The following ACYP2 variants were observed in gnomAD, a reference collection of about 807,000 sequenced individuals.
ACYP2 encodes the protein acylphosphatase-2.
A neutral mutation model predicts 11.2 loss-of-function variants in ACYP2; 12 were observed. The observed-to-expected ratio is 1.08, with a 90% confidence interval of 0.69 to 1.74. The LOEUF is 1.74. Ranked by LOEUF, ACYP2 falls within the 40% of genes most tolerant of loss-of-function variation. The pLI is 0.00. For synonymous variants in ACYP2, 43 were observed against 32.2 expected (o/e 1.33, Z -1.13); for missense variants, 134 against 101.9 (o/e 1.31, Z -1.35).
chr2:54,296,693 A>G (rs1298530684), intron 6 of ACYP2, among the ~76,000 whole-genome samples: 2 of 151,908 alleles, frequency 1.3e-5, no homozygotes, highest in African/African-American at 4.8e-5. Context: ...TGTAAAGGAT[A>G]AAATAGACTA....
intron 6 of ACYP2, among the ~76,000 whole-genome samples, chr2:54,181,371 A>G (rs1683716902): frequency 6.6e-6 from 1 of 152,186 alleles, no homozygotes; most frequent in Non-Finnish European, 1.5e-5. Flanking sequence ...GTGAGAGAAA[A>G]CTAGAACTGA....
intron 6 of ACYP2, chr2:54,256,183 G>C (rs1243012340): frequency 2.5e-6 from 4 of 1,581,120 alleles, no homozygotes; most frequent in South Asian, 2.3e-5. Flanking sequence ...AGTGGGTAGA[G>C]GCCAGGCCAG....
At chr2:54,073,304 A>C (rs1196611572) in intron 4 of ACYP2, among the ~76,000 whole-genome samples, 2 of 151,902 alleles carry the variant, frequency 1.3e-5, no homozygotes, top group Non-Finnish European at 2.9e-5. Flanking sequence ...AGGTGGGAAG[A>C]TCTCTTGAGC....
intron 6 of ACYP2, among the ~76,000 whole-genome samples, chr2:54,193,989 G>C (rs1460726540): frequency 1.3e-5 from 2 of 152,116 alleles, no homozygotes; most frequent in African/African-American, 4.8e-5. Context: ...TTTCCAAATA[G>C]GCATGATATA....
chr2:54,276,619 T>TCACACACACATTCA (rs1688586894), intron 6 of ACYP2, among the ~76,000 whole-genome samples: 1 of 146,108 alleles, frequency 6.8e-6, no homozygotes, highest in Non-Finnish European at 1.5e-5. Context: ...GATTGTTCTT[T>TCACACACACATTCA]CACACACACA....
intron 6 of ACYP2, among the ~76,000 whole-genome samples, chr2:54,166,286 TTATAAAGTA>T (rs1488184467): frequency 1.3e-5 from 2 of 152,188 alleles, no homozygotes; most frequent in African/African-American, 2.4e-5. Context: ...TCCACAAATA[TTATAAAGTA>T]TCTGCTATAT....
chr2:54,003,669 G>A (rs1672916299), intron 2 of ACYP2, among the ~76,000 whole-genome samples: 1 of 152,054 alleles, frequency 6.6e-6, no homozygotes, highest in Non-Finnish European at 1.5e-5. Context: ...CCCCAGTTTT[G>A]GCAATTATGA....
intron 6 of ACYP2, among the ~76,000 whole-genome samples, chr2:54,235,798 G>A (rs574687567): frequency 6.6e-6 from 1 of 152,248 alleles, no homozygotes; most frequent in Admixed American, 6.5e-5. Flanking sequence ...CACGTAATAT[G>A]CATGCAGCAT....
At chr2:54,181,088 C>G (rs1370828905) in intron 6 of ACYP2, among the ~76,000 whole-genome samples, 2 of 152,128 alleles carry the variant, frequency 1.3e-5, no homozygotes, top group Non-Finnish European at 2.9e-5. Context: ...TCATTGTATT[C>G]AAAACATATT....
intron 6 of ACYP2, among the ~76,000 whole-genome samples, chr2:54,226,827 G>C (rs1373347256): frequency 1.3e-5 from 2 of 152,184 alleles, no homozygotes; most frequent in African/African-American, 2.4e-5. Context: ...ATTAGAGTTT[G>C]AGAAATGATT....
At chr2:54,031,030 C>T (rs545371474) in intron 2 of ACYP2, among the ~76,000 whole-genome samples, 3 of 152,122 alleles carry the variant, frequency 2.0e-5, no homozygotes, top group Admixed American at 6.5e-5. Flanking sequence ...CAGTAAGGGG[C>T]GCAGACACAA....
chr2:54,129,426 C>T (rs975407882), intron 4 of ACYP2, among the ~76,000 whole-genome samples: 1 of 152,056 alleles, frequency 6.6e-6, no homozygotes. Flanking sequence ...AGTCACCACA[C>T]CTGGCTGACT....
intron 4 of ACYP2, among the ~76,000 whole-genome samples, chr2:54,099,241 C>T (rs1424504067): frequency 1.3e-5 from 2 of 152,150 alleles, no homozygotes; most frequent in East Asian, 3.8e-4. Context: ...CCAAATCAAG[C>T]TAATTAACGT....
intron 4 of ACYP2, chr2:54,115,287 T>G (rs1290543294): frequency 2.2e-6 from 1 of 450,564 alleles, no homozygotes; most frequent in Admixed American, 4.1e-5. Context: ...ACACCACAAA[T>G]ATACCCAACT....
At chr2:54,068,606 G>T (rs1288560753) in intron 4 of ACYP2, among the ~76,000 whole-genome samples, 4 of 152,278 alleles carry the variant, frequency 2.6e-5, no homozygotes, top group Non-Finnish European at 5.9e-5. Flanking sequence ...CCTCCAGCCT[G>T]TTCGAATTTC....
intron 6 of ACYP2, chr2:54,256,273 G>C (rs578010953): frequency 9.1e-7 from 1 of 1,093,018 alleles, no homozygotes; most frequent in Non-Finnish European, 1.3e-6. Context: ...CTTCAGTCTC[G>C]CGACACCCAC....
intron 6 of ACYP2, among the ~76,000 whole-genome samples, chr2:54,213,000 T>C (rs907423020): frequency 2.0e-5 from 3 of 152,054 alleles, no homozygotes; most frequent in Non-Finnish European, 4.4e-5. Context: ...CATGGGTAAA[T>C]TGCATGTCAC....
At chr2:54,214,130 C>G (rs1685454147) in intron 6 of ACYP2, among the ~76,000 whole-genome samples, 1 of 152,024 alleles carries the variant, frequency 6.6e-6, no homozygotes, top group Non-Finnish European at 1.5e-5. Flanking sequence ...CTTATAGATT[C>G]TGGATATTCG....
At chr2:54,032,964 A>C (rs1225431737) in intron 2 of ACYP2, among the ~76,000 whole-genome samples, 1 of 152,218 alleles carries the variant, frequency 6.6e-6, no homozygotes, top group Non-Finnish European at 1.5e-5. Flanking sequence ...GGAAAGAAAG[A>C]GTTCCAGGCA....
Sources: gnomAD v4.1 joint callset for allele counts (sites outside exome capture counted in the v4.1 genomes callset) on GRCh38, gnomAD v4.1.1 for gene constraint, MANE v1.5 for transcripts, NCBI Gene and HGNC (gene_info 2026-07-23, HGNC 2026-07-21) for gene names.